Variants in MGAT4C observed in about 807,000 individuals in gnomAD.
The protein encoded by MGAT4C is MGAT4 family member C.
In MGAT4C, 19 loss-of-function variants were observed where a neutral mutation model predicts 40.1. The ratio of observed to expected loss-of-function variants is 0.47; its 90% confidence interval spans 0.33 to 0.70. MGAT4C has a LOEUF of 0.70. Among genes scored for constraint, MGAT4C ranks in the 30% least tolerant of loss-of-function variants. MGAT4C has a pLI of 0.02. For synonymous variants in MGAT4C, 181 were observed against 187.1 expected, an observed-to-expected ratio of 0.97 and a Z score of 0.27; for missense variants, 491 against 563.2, an observed-to-expected ratio of 0.87 and a Z score of 1.30.
chr12:86,136,575 GT>G (rs1881984114), intron 1 of MGAT4C, among the ~76,000 whole-genome samples: 1 of 152,090 alleles, frequency 6.6e-6, no homozygotes, highest in South Asian at 2.1e-4. Flanking sequence ...ATCTGATAGG[GT>G]TTCGTTATTC....
intron 2 of MGAT4C, among the ~76,000 whole-genome samples, chr12:86,652,699 C>A (rs1041238404): frequency 6.6e-6 from 1 of 151,828 alleles, no homozygotes; most frequent in African/African-American, 2.4e-5. Context: ...AAATGAAATA[C>A]CACGCCTAAG....
chr12:86,104,924 A>T (rs1875871666), intron 1 of MGAT4C, among the ~76,000 whole-genome samples: 1 of 152,108 alleles, frequency 6.6e-6, no homozygotes, highest in Non-Finnish European at 1.5e-5. Context: ...AATACTTTTA[A>T]CAGGGTTCAG....
intron 1 of MGAT4C, among the ~76,000 whole-genome samples, chr12:86,160,228 A>G (rs1286840301): frequency 6.6e-6 from 1 of 151,204 alleles, no homozygotes; most frequent in African/African-American, 2.4e-5. Flanking sequence ...GATTTTGGTG[A>G]GATTTTTCCC....
rs562805068 is a variant in MGAT4C at position 86,234,032 on chromosome 12, T to C, written c.-57+22207A>G. On this transcript the variant is annotated intron_variant, in intron 1 of 4. Transcript: ENST00000611864. ...TTTGATATTAATTTATTTTATGTTT[T>C]TCAAATAATGTATGCTATCATAGTA... Among the ~76,000 whole-genome samples, 33 of 152,276 alleles carry C rather than the reference T, an allele frequency of 2.2e-4. No individual in the cohort carries two copies. In the South Asian group the frequency reaches 6.8e-3, roughly 32 times the overall value.
chr12:86,833,082 A>T (rs1041630938), intron 1 of MGAT4C, among the ~76,000 whole-genome samples: 1 of 151,914 alleles, frequency 6.6e-6, no homozygotes, highest in Non-Finnish European at 1.5e-5. Flanking sequence ...TAGGCTAAAA[A>T]TAACTGCTGA....
intron 2 of MGAT4C, among the ~76,000 whole-genome samples, chr12:86,587,458 T>C (rs1961104502): frequency 6.6e-6 from 1 of 152,028 alleles, no homozygotes; most frequent in Admixed American, 6.6e-5. Flanking sequence ...CATATGAACT[T>C]TAAAGTTGTT....
At chr12:86,620,058 C>A (rs1331770445) in intron 2 of MGAT4C, among the ~76,000 whole-genome samples, 1 of 151,994 alleles carries the variant, frequency 6.6e-6, no homozygotes, top group Non-Finnish European at 1.5e-5. Context: ...ATTAAAAAAT[C>A]AACAGATGTT....
intron 2 of MGAT4C, among the ~76,000 whole-genome samples, chr12:86,573,536 C>A (rs1960448438): frequency 6.6e-6 from 1 of 151,898 alleles, no homozygotes; most frequent in Non-Finnish European, 1.5e-5. Context: ...GACATGTAAC[C>A]CATTTTTATT....
At chr12:86,359,604 AGAGAGAAG>A (rs1479609508) in intron 3 of MGAT4C, among the ~76,000 whole-genome samples, 1 of 152,198 alleles carries the variant, frequency 6.6e-6, no homozygotes, top group East Asian at 1.9e-4. Flanking sequence ...AAAGAAGAAA[AGAGAGAAG>A]AATCAAATAG....
intron 3 of MGAT4C, among the ~76,000 whole-genome samples, chr12:86,345,962 G>T (rs1169647972): frequency 3.9e-5 from 6 of 152,114 alleles, no homozygotes; most frequent in Non-Finnish European, 8.8e-5. Flanking sequence ...GGTGTGAGAT[G>T]GTATCTCATT....
chr12:86,541,872 A>G (rs1374770365), intron 2 of MGAT4C, among the ~76,000 whole-genome samples: 1 of 152,128 alleles, frequency 6.6e-6, no homozygotes, highest in African/African-American at 2.4e-5. Flanking sequence ...AATAAATTCT[A>G]TTTCTGTACT....
rs1428416204 is a variant in MGAT4C, at chr12:85,980,289, G to A, written c.437C>T (p.Ser146Phe). ...SVVVHLADFNSSWRDAMVQDI... is the reference protein window; with the variant it reads ...SVVVHLADFNFSWRDAMVQDI... Reference sequence around the variant, plus strand: ...CTGGACCATGGCATCACGCCAGGAAGAATTAAAGTCTGCTAGGTGAACCAC... The same window carrying A: ...CTGGACCATGGCATCACGCCAGGAAAAATTAAAGTCTGCTAGGTGAACCAC... The change falls in exon 5 of 5, where the codon TCT (serine) becomes TTT (phenylalanine). Residue 146 changes from serine to phenylalanine, a missense_variant. Transcript: ENST00000611864. 3 of 1,613,794 alleles carry A rather than the reference G, an allele frequency of 1.9e-6. No homozygotes were observed. Among genetic ancestry groups the A allele is most frequent in the Non-Finnish European group, 2.5e-6 (3 of 1,179,892 alleles).
chr12:86,258,781 T>C (rs1028823980), upstream of MGAT4C, among the ~76,000 whole-genome samples: 43 of 152,026 alleles, frequency 2.8e-4, no homozygotes, highest in Admixed American at 4.6e-4. Context: ...ATGAAAATAA[T>C]TTCATATTTA....
At chr12:86,010,929 C>A (rs1888405492) in intron 2 of MGAT4C, among the ~76,000 whole-genome samples, 1 of 152,094 alleles carries the variant, frequency 6.6e-6, no homozygotes, top group Non-Finnish European at 1.5e-5. Context: ...TCTTTTTAGT[C>A]TTGTGATGCC....
chr12:86,606,725 C>A (rs577414529), intron 2 of MGAT4C, among the ~76,000 whole-genome samples: 8 of 152,044 alleles, frequency 5.3e-5, no homozygotes, highest in Non-Finnish European at 1.2e-4. Flanking sequence ...TCAAAGCAAA[C>A]AACTACCAAG....
chr12:86,089,884 C>T (rs1872582385), intron 1 of MGAT4C, among the ~76,000 whole-genome samples: 1 of 151,568 alleles, frequency 6.6e-6, no homozygotes. Flanking sequence ...GATTTCATTT[C>T]TTTGATAACA....
chr12:86,220,105 A>G (rs1950824899), intron 1 of MGAT4C, among the ~76,000 whole-genome samples: 1 of 152,050 alleles, frequency 6.6e-6, no homozygotes, highest in African/African-American at 2.4e-5. Context: ...TTGGCTTCAC[A>G]TTGTCTTAAC....
chr12:86,711,136 AG>A (rs2136631252), intron 2 of MGAT4C, among the ~76,000 whole-genome samples: 1 of 152,258 alleles, frequency 6.6e-6, no homozygotes, highest in African/African-American at 2.4e-5. Context: ...TCACCACGAA[AG>A]AACATCCATG....
At chr12:86,809,407 ATAGTT>A (rs1952427209) in intron 1 of MGAT4C, among the ~76,000 whole-genome samples, 1 of 151,972 alleles carries the variant, frequency 6.6e-6, no homozygotes, top group Non-Finnish European at 1.5e-5. Flanking sequence ...TTTTCAAATG[ATAGTT>A]TAGTTTGTAT....
Sources: gnomAD v4.1 joint callset for allele counts (sites outside exome capture counted in the v4.1 genomes callset) on GRCh38, gnomAD v4.1.1 for gene constraint, MANE v1.5 for transcripts, NCBI Gene and HGNC (gene_info 2026-07-23, HGNC 2026-07-21) for gene names.